The following SCMH1 variants were observed in gnomAD, a reference collection of about 807,000 sequenced individuals.
SCMH1 encodes the protein polycomb protein SCMH1.
In SCMH1, 37 loss-of-function variants were observed where a neutral mutation model predicts 70.8. The observed-to-expected ratio is 0.52, with a 90% CI of 0.40 to 0.69. The LOEUF is 0.69. Ranked by LOEUF, SCMH1 falls within the 30% of genes least tolerant of loss-of-function variation. The probability of loss-of-function intolerance (pLI) is 0.00; values close to 1 mark genes in which losing one functional copy is unlikely to be tolerated. For synonymous variants in SCMH1, 292 were observed against 307.4 expected (o/e 0.95, Z 0.52); for missense variants, 607 against 827.3 (o/e 0.73, Z 3.27).
At chr1:41,085,727 G>A (rs1028033003) in intron 8 of SCMH1, among the ~76,000 whole-genome samples, 2 of 151,272 alleles carry the variant, frequency 1.3e-5, no homozygotes, top group Admixed American at 6.6e-5. Context: ...AGACACAGTA[G>A]AAAAAGAATG....
intron 1 of SCMH1, among the ~76,000 whole-genome samples, chr1:41,222,230 C>T (rs1394382518): frequency 6.6e-6 from 1 of 151,730 alleles, no homozygotes; most frequent in African/African-American, 2.4e-5. Context: ...AGGAATTAAA[C>T]AAAGAAAGGA....
chr1:41,092,591 C>A (rs1342777607), intron 8 of SCMH1, among the ~76,000 whole-genome samples: 1 of 152,158 alleles, frequency 6.6e-6, no homozygotes, highest in Non-Finnish European at 1.5e-5. Context: ...AGGCAACCTA[C>A]AAAATGGGAG....
chr1:41,136,229 A>G (rs1275478462), intron 6 of SCMH1, among the ~76,000 whole-genome samples: 1 of 152,120 alleles, frequency 6.6e-6, no homozygotes, highest in Non-Finnish European at 1.5e-5. Flanking sequence ...CACAGGTGTG[A>G]GCCACCATGC....
rs114969618 is a variant in SCMH1, at chr1:41,241,161, G to A, written c.-118+898C>T. Among the ~76,000 whole-genome samples the A allele has an allele frequency of 2.8e-3, 429 of 152,322 alleles. 5 individuals carry two copies. Among genetic ancestry groups the A allele is most frequent in the African/African-American group, 9.6e-3 (401 of 41,584 alleles). On this transcript the variant is annotated intron_variant, in intron 1 of 14. Transcript: ENST00000337495. Reference sequence around the variant, plus strand: ...GGATCACTGGAAGAGGTTCCAAACGGGCTCGTCAAATTATCGGGGGGATTT... The same window carrying A: ...GGATCACTGGAAGAGGTTCCAAACGAGCTCGTCAAATTATCGGGGGGATTT...
At chr1:41,171,873 T>C (rs557039657) in intron 2 of SCMH1, among the ~76,000 whole-genome samples, 38 of 152,058 alleles carry the variant, frequency 2.5e-4, no homozygotes, top group Non-Finnish European at 5.3e-4. Context: ...TACCCAAACC[T>C]ATGGGATACA....
chr1:41,154,094 G>A (rs1053481461), intron 4 of SCMH1, among the ~76,000 whole-genome samples: 6 of 152,154 alleles, frequency 3.9e-5, no homozygotes, highest in African/African-American at 2.4e-5. Context: ...TACACAAACA[G>A]GCAGAGGGCT....
chr1:41,232,861 T>C (rs1037567657), intron 1 of SCMH1, among the ~76,000 whole-genome samples: 1 of 152,236 alleles, frequency 6.6e-6, no homozygotes, highest in African/African-American at 2.4e-5. Context: ...TTTCACAAAT[T>C]GGATAAATGA....
intron 4 of SCMH1, among the ~76,000 whole-genome samples, chr1:41,153,374 T>C (rs144589927): frequency 1.3e-4 from 20 of 152,318 alleles, no homozygotes; most frequent in African/African-American, 4.8e-4. Context: ...ACATAGCTAA[T>C]AGTTACTGTA....
chr1:41,066,273 G>A (rs1296552869), intron 10 of SCMH1, among the ~76,000 whole-genome samples: 2 of 152,162 alleles, frequency 1.3e-5, no homozygotes, highest in Non-Finnish European at 2.9e-5. Context: ...AGTTTCAGGG[G>A]TTGGGAAGGT....
At chr1:41,076,997 C>A (rs1658480333) in intron 8 of SCMH1, among the ~76,000 whole-genome samples, 1 of 152,086 alleles carries the variant, frequency 6.6e-6, no homozygotes, top group South Asian at 2.1e-4. Context: ...ATTAGGGAGA[C>A]CAGTTAATAA....
At position 41,161,477 on chromosome 1, in the gene SCMH1, A is replaced by T. The variant is rs570998481; in HGVS notation, c.14-45T>A. 92 of 1,513,926 alleles carry T rather than the reference A, an allele frequency of 6.1e-5. No individual in the cohort carries two copies. In the African/African-American group the frequency reaches 1.2e-3, roughly 20 times the overall value. 93.8% of individuals were successfully genotyped at this position (1,513,926 alleles called of 1,614,324 possible). ...TAGTCATGTGGAAAGAAAGTATAAGATTAAATACTTTTCCAATTTGGCAGT... is the reference window on the plus strand; with the variant it reads ...TAGTCATGTGGAAAGAAAGTATAAGTTTAAATACTTTTCCAATTTGGCAGT... On this transcript the variant is annotated intron_variant, in intron 2 of 14. Coordinates refer to ENST00000337495, the Ensembl canonical transcript of SCMH1.
chr1:41,208,031 G>A lies in SCMH1; in HGVS notation c.-117-21781C>T, dbSNP rs539284354. The stretch of plus-strand genomic sequence containing the variant: ...GCAAAGACTTGGAACCAACCCAAAT[G>A]TCCAACAATGATAGACTGGATTAAG... On this transcript the variant is annotated intron_variant, in intron 1 of 14. Coordinates refer to ENST00000337495, the Ensembl canonical transcript of SCMH1. Among the ~76,000 whole-genome samples, 18 of 116,774 alleles carry A rather than the reference G, an allele frequency of 1.5e-4. No individual in the cohort carries two copies. In the South Asian group the frequency reaches 5.2e-3, roughly 34 times the overall value. 76.6% of individuals were successfully genotyped at this position (116,774 alleles called of 152,430 possible). A position where few individuals can be genotyped will look rare whatever the true frequency, so the allele number is the denominator to read the frequency against.
chr1:41,220,358 T>C (rs1256228298), intron 1 of SCMH1, among the ~76,000 whole-genome samples: 1 of 152,252 alleles, frequency 6.6e-6, no homozygotes, highest in Non-Finnish European at 1.5e-5. Flanking sequence ...CATGAAATAA[T>C]AGTTAATTTT....
intron 12 of SCMH1, chr1:41,041,425 T>C (rs1170808471): frequency 4.0e-5 from 6 of 150,660 alleles, no homozygotes; most frequent in Admixed American, 3.3e-4. Flanking sequence ...CTAAAAATAT[T>C]AGCAACTATT....
intron 7 of SCMH1, among the ~76,000 whole-genome samples, chr1:41,114,756 A>C (rs1670041632): frequency 6.6e-6 from 1 of 151,714 alleles, no homozygotes; most frequent in Non-Finnish European, 1.5e-5. Flanking sequence ...GGCTCACTGC[A>C]ACCTCTGCCT....
intron 8 of SCMH1, among the ~76,000 whole-genome samples, chr1:41,092,662 A>T (rs1345394385): frequency 6.6e-6 from 1 of 152,240 alleles, no homozygotes; most frequent in African/African-American, 2.4e-5. Context: ...CAAAGAACTT[A>T]AACAAATTTA....
At chr1:41,143,664 TGTGAA>T in intron 5 of SCMH1, among the ~76,000 whole-genome samples, 1 of 152,208 alleles carries the variant, frequency 6.6e-6, no homozygotes, top group South Asian at 2.1e-4. Flanking sequence ...CATATAAACC[TGTGAA>T]AGTATCACCA....
At chr1:41,031,439 A>G (rs919196103) in intron 13 of SCMH1, among the ~76,000 whole-genome samples, 2 of 152,216 alleles carry the variant, frequency 1.3e-5, no homozygotes, top group Non-Finnish European at 2.9e-5. Flanking sequence ...CCCGGGCCTA[A>G]AAAGTCAAAG....
intron 8 of SCMH1, among the ~76,000 whole-genome samples, chr1:41,093,945 G>T (rs1664372315): frequency 6.6e-6 from 1 of 152,142 alleles, no homozygotes; most frequent in African/African-American, 2.4e-5. Flanking sequence ...GAAAACGTCT[G>T]CCAAACACCC....
Sources: allele counts gnomAD v4.1 joint callset (sites outside exome capture counted in the v4.1 genomes callset), GRCh38; gene constraint gnomAD v4.1.1; transcripts MANE v1.5; gene names NCBI Gene and HGNC (gene_info 2026-07-23, HGNC 2026-07-21).